The following WDR17 variants were observed in gnomAD, a reference collection of about 807,000 sequenced individuals.
WDR17 encodes the protein WD repeat domain 17.
A neutral mutation model predicts 161.7 loss-of-function variants in WDR17; 143 were observed. The observed-to-expected ratio is 0.88, with a 90% CI of 0.77 to 1.02. The LOEUF is 1.02. Ranked by LOEUF, WDR17 falls within the 50% of genes least tolerant of loss-of-function variation. The probability of loss-of-function intolerance (pLI) is 0.00; values close to 1 mark genes in which losing one functional copy is unlikely to be tolerated. For missense variants in WDR17, 1,469 were observed against 1,520.9 expected, an observed-to-expected ratio of 0.97 and a Z score of 0.57; for synonymous variants, 517 against 515.6, an observed-to-expected ratio of 1.00 and a Z score of -0.04.
At chr4:176,169,930 A>G (rs1338958544) in intron 23 of WDR17, among the ~76,000 whole-genome samples, 1 of 152,218 alleles carries the variant, frequency 6.6e-6, no homozygotes, top group African/African-American at 2.4e-5. Context: ...TAACATGACA[A>G]CTAAAAGCTA....
At position 176,115,884 on chromosome 4, in the gene WDR17, A is replaced by G. The variant is rs781684799; in HGVS notation, c.212A>G (p.Asn71Ser). The G allele has an allele frequency of 3.7e-6, 6 of 1,611,782 alleles. No individual in the cohort carries two copies. Among genetic ancestry groups the G allele is most frequent in the Non-Finnish European group, 5.1e-6 (6 of 1,178,588 alleles). The change falls in exon 3 of 29, where the codon AAT becomes AGT. Residue 71 changes from asparagine (N) to serine (S), a missense_variant. Transcript: ENST00000508596. ...TITAISWCPH[N>S]PDLFASGSTD... Reference sequence around the variant, plus strand: ...ACAGCAATTTCTTGGTGTCCACATAATCCTGATCTGTTTGCAAGTGGCAGT... The same window carrying G: ...ACAGCAATTTCTTGGTGTCCACATAGTCCTGATCTGTTTGCAAGTGGCAGT...
intron 13 of WDR17, among the ~76,000 whole-genome samples, chr4:176,149,459 G>T (rs1183323886): frequency 1.3e-5 from 2 of 151,798 alleles, no homozygotes; most frequent in Non-Finnish European, 2.9e-5. Flanking sequence ...TGGTAGAGAT[G>T]GTATTTCATC....
intron 5 of WDR17, among the ~76,000 whole-genome samples, chr4:176,125,966 C>A (rs1395682488): frequency 6.6e-6 from 1 of 152,160 alleles, no homozygotes. Flanking sequence ...CAGGAGAGGA[C>A]AAGAGCATGA....
At chr4:176,111,456 G>C (rs1340839409) in intron 1 of WDR17, 119 bp from the exon 2 acceptor site, 5 of 1,100,146 alleles carry the variant, frequency 4.5e-6, no homozygotes, top group Non-Finnish European at 6.2e-6. Context: ...AAAATTAATA[G>C]TACTAGTAAA....
intron 1 of WDR17, among the ~76,000 whole-genome samples, chr4:176,087,905 G>A (rs951435613): frequency 4.0e-5 from 6 of 151,528 alleles, no homozygotes; most frequent in Admixed American, 2.0e-4. Flanking sequence ...TTGCAGTGGC[G>A]CGATCTCGGC....
chr4:176,147,517 C>T (rs1412729422), intron 12 of WDR17, among the ~76,000 whole-genome samples: 2 of 152,086 alleles, frequency 1.3e-5, no homozygotes, highest in African/African-American at 4.8e-5. Context: ...GAATTATTTG[C>T]TGTATTGATT....
intron 1 of WDR17, among the ~76,000 whole-genome samples, chr4:176,071,797 A>C (rs914108704): frequency 2.6e-5 from 4 of 152,226 alleles, no homozygotes; most frequent in African/African-American, 9.6e-5. Flanking sequence ...CCAGGATTCA[A>C]ATCCATATAA....
intron 4 of WDR17, among the ~76,000 whole-genome samples, chr4:176,123,903 A>G (rs1488131307): frequency 6.6e-6 from 1 of 152,192 alleles, no homozygotes; most frequent in African/African-American, 2.4e-5. Flanking sequence ...ACCAGTCCCC[A>G]TTGTGAAGCC....
intron 1 of WDR17, among the ~76,000 whole-genome samples, chr4:176,079,893 C>G (rs1561070871): frequency 6.6e-6 from 1 of 151,892 alleles, no homozygotes; most frequent in Non-Finnish European, 1.5e-5. Flanking sequence ...AGGTCTCTTC[C>G]TACTCTTATA....
intron 4 of WDR17, among the ~76,000 whole-genome samples, chr4:176,124,136 T>C (rs947476865): frequency 1.3e-5 from 2 of 152,234 alleles, no homozygotes; most frequent in Non-Finnish European, 2.9e-5. Context: ...ATCTTTCAAT[T>C]GTGCTTTTTA....
At chr4:176,072,892 C>CTG (rs1733425031) in intron 1 of WDR17, among the ~76,000 whole-genome samples, 1 of 152,120 alleles carries the variant, frequency 6.6e-6, no homozygotes, top group African/African-American at 2.4e-5. Context: ...GTATAAAACG[C>CTG]TGACCTTTTA....
Position 176,174,726 on chromosome 4 carries a change from AG to A in WDR17, c.3449+10del. 1 of 1,584,778 alleles carries A rather than the reference AG, an allele frequency of 6.3e-7. No homozygotes were observed. The highest frequency in any genetic ancestry group is 8.6e-7 in the Non-Finnish European group (1 of 1,161,186). On this transcript the variant is annotated intron_variant, in intron 26 of 28. Transcript: ENST00000508596. ...ACTTTATGAGTACACAAGGTAAAAA[AG>A]GTTTTTTCCTCCATCATGACATTAG...
chr4:176,098,843 G>T (rs1737332790), intron 1 of WDR17, among the ~76,000 whole-genome samples: 1 of 150,754 alleles, frequency 6.6e-6, no homozygotes. Context: ...ATTTTATTTT[G>T]TCCTAATTAT....
chr4:176,170,396 A>G (rs1276089888), intron 23 of WDR17, among the ~76,000 whole-genome samples: 5 of 150,766 alleles, frequency 3.3e-5, no homozygotes, highest in African/African-American at 1.2e-4. Context: ...GATCAGTGCA[A>G]CCTCTGCCTG....
chr4:176,125,999 C>T (rs180972163), intron 5 of WDR17, among the ~76,000 whole-genome samples: 288 of 152,260 alleles, frequency 1.9e-3, no homozygotes, highest in Non-Finnish European at 2.4e-3. Flanking sequence ...ACCTAGCTGG[C>T]TTTTATAACA....
rs1752152495 is a variant in WDR17 at position 176,181,457 on chromosome 4, A to C, written c.*1878A>C. On this transcript the variant is annotated 3_prime_UTR_variant, in exon 29 of 29. Coordinates refer to ENST00000508596, the MANE Select transcript of WDR17 (RefSeq NM_181265.4). ...ACTCCAGCCTGGGCGACAGAGCAAG[A>C]CCACCATCTCCAAAAATTATATATA... 1 of 215,200 alleles carries C rather than the reference A, an allele frequency of 4.6e-6. No individual in the cohort carries two copies. The highest frequency in any genetic ancestry group is 7.5e-5 in the South Asian group (1 of 13,406). The allele number at this position is 215,200 out of a possible 1,614,324, so 13.3% of individuals were successfully genotyped here.
At chr4:176,104,691 T>C (rs1030249373) in intron 1 of WDR17, among the ~76,000 whole-genome samples, 2 of 152,056 alleles carry the variant, frequency 1.3e-5, no homozygotes, top group Admixed American at 6.6e-5. Context: ...CTTTAGCATG[T>C]TAAGTTTAAT....
intron 1 of WDR17, among the ~76,000 whole-genome samples, chr4:176,106,148 A>G (rs2126675686): frequency 6.6e-6 from 1 of 152,214 alleles, no homozygotes; most frequent in Admixed American, 6.5e-5. Flanking sequence ...ACCCTGAATA[A>G]CAAAACTGGG....
intron 5 of WDR17, among the ~76,000 whole-genome samples, chr4:176,125,707 A>G (rs28546898): frequency 0.03 from 4,575 of 152,220 alleles, 193 homozygotes; most frequent in African/African-American, 0.096. Flanking sequence ...CATAAAAACA[A>G]TTACCTGATG....
Sources: allele counts gnomAD v4.1 joint callset (sites outside exome capture counted in the v4.1 genomes callset), GRCh38; gene constraint gnomAD v4.1.1; transcripts MANE v1.5; gene names NCBI Gene and HGNC (gene_info 2026-07-23, HGNC 2026-07-21).